INSC: variants seen among roughly 807,000 people sequenced by gnomAD.
INSC encodes protein inscuteable homolog.
In INSC, 67 loss-of-function variants were observed where a neutral mutation model predicts 58.6. The observed-to-expected ratio is 1.14, with a 90% confidence interval of 0.94 to 1.40. The LOEUF (loss-of-function observed/expected upper bound fraction) is 1.40, where lower values mean the gene tolerates loss of function less well. Among genes scored for constraint, INSC ranks in the 40% most tolerant of loss-of-function variants. The pLI, the probability that INSC is intolerant of heterozygous loss-of-function variation, is 0.00. For missense variants in INSC, 714 were observed against 692.0 expected (o/e 1.03, Z -0.36); for synonymous variants, 262 against 276.1 (o/e 0.95, Z 0.51).
chr11:15,116,851 C>T (rs11820606), intron 1 of INSC, among the ~76,000 whole-genome samples: 1,508 of 10,778 alleles, frequency 0.14, 85 homozygotes, highest in Non-Finnish European at 0.15. Flanking sequence ...CTTTCTTTCT[C>T]TCTCTCTCTC....
At chr11:15,139,170 C>T (rs1848313331) in intron 1 of INSC, among the ~76,000 whole-genome samples, 1 of 152,182 alleles carries the variant, frequency 6.6e-6, no homozygotes, top group Non-Finnish European at 1.5e-5. Flanking sequence ...AATAGCTTGC[C>T]CAGTGTGCCC....
At chr11:15,196,756 T>A (rs562150214) in intron 6 of INSC, among the ~76,000 whole-genome samples, 1 of 152,246 alleles carries the variant, frequency 6.6e-6, no homozygotes, top group Admixed American at 6.5e-5. Context: ...AAGGGCTTTA[T>A]ACAAATAACA....
intron 5 of INSC, among the ~76,000 whole-genome samples, chr11:15,179,779 G>A (rs1421370313): frequency 1.3e-5 from 2 of 152,194 alleles, no homozygotes; most frequent in Non-Finnish European, 2.9e-5. Context: ...CAAGTCCAGA[G>A]GGACCCAAGG....
At chr11:15,136,008 C>G (rs1433211286) in intron 1 of INSC, among the ~76,000 whole-genome samples, 1 of 152,072 alleles carries the variant, frequency 6.6e-6, no homozygotes, top group Non-Finnish European at 1.5e-5. Flanking sequence ...TTATGTAAGG[C>G]CTTTTTCTAA....
At chr11:15,154,588 A>C (rs1390778179) in intron 2 of INSC, among the ~76,000 whole-genome samples, 1 of 152,158 alleles carries the variant, frequency 6.6e-6, no homozygotes, top group Non-Finnish European at 1.5e-5. Context: ...CTCATCATCA[A>C]ATCCCCTGCA....
At chr11:15,121,989 A>G (rs1430056504) in intron 1 of INSC, among the ~76,000 whole-genome samples, 1 of 152,186 alleles carries the variant, frequency 6.6e-6, no homozygotes, top group Non-Finnish European at 1.5e-5. Flanking sequence ...CAGCCCTGGA[A>G]TTAGCCATTT....
At chr11:15,241,528 T>A in intron 12 of INSC, 1 of 701,680 alleles carries the variant, frequency 1.4e-6, no homozygotes, top group South Asian at 1.5e-5. Flanking sequence ...ATTCAATAAA[T>A]GTTTATGGAA....
downstream of INSC, among the ~76,000 whole-genome samples, chr11:15,248,952 G>A (rs561339637): frequency 2.0e-5 from 3 of 152,310 alleles, no homozygotes; most frequent in African/African-American, 7.2e-5. Context: ...GAAGGGTCAA[G>A]TGAGATAATA....
At chr11:15,197,826 C>T (rs950719520) in intron 6 of INSC, among the ~76,000 whole-genome samples, 1 of 152,214 alleles carries the variant, frequency 6.6e-6, no homozygotes, top group African/African-American at 2.4e-5. Context: ...CCCACACACC[C>T]CACAAGTGAT....
intron 2 of INSC, among the ~76,000 whole-genome samples, chr11:15,157,681 A>G (rs953763347): frequency 6.6e-6 from 1 of 152,196 alleles, no homozygotes; most frequent in Non-Finnish European, 1.5e-5. Flanking sequence ...CAGCACTAAC[A>G]CAGTCCAAAC....
upstream of INSC, chr11:15,112,508 A>G: frequency 1.2e-6 from 2 of 1,612,416 alleles, no homozygotes; most frequent in Non-Finnish European, 1.7e-6. Context: ...CGGCCAGCGA[A>G]GGTCCAGGTG....
intron 12 of INSC, chr11:15,241,651 C>A (rs1481758354): frequency 1.4e-6 from 1 of 702,846 alleles, no homozygotes; most frequent in Non-Finnish European, 2.6e-6. Context: ...TCAAGGTAAT[C>A]TTAATCTTTT....
At chr11:15,161,263 C>T (rs553514476) in intron 2 of INSC, among the ~76,000 whole-genome samples, 4 of 152,284 alleles carry the variant, frequency 2.6e-5, no homozygotes, top group African/African-American at 7.2e-5. Flanking sequence ...TCCCCCAGGA[C>T]CCCTGGAGTT....
At chr11:15,239,166 G>A in intron 11 of INSC, 92 bp downstream of exon 11, 1 of 1,446,716 alleles carries the variant, frequency 6.9e-7, no homozygotes. Flanking sequence ...GTGGACACAG[G>A]GCAAGAGCTG....
At chr11:15,250,882 C>G (rs866437543), downstream of INSC, among the ~76,000 whole-genome samples, 4 of 152,270 alleles carry the variant, frequency 2.6e-5, no homozygotes, top group Middle Eastern at 3.4e-3. Context: ...AGCAAGGGCT[C>G]CCAAAATCTG....
intron 1 of INSC, among the ~76,000 whole-genome samples, chr11:15,134,686 A>G (rs960983538): frequency 1.3e-5 from 2 of 152,184 alleles, no homozygotes; most frequent in African/African-American, 4.8e-5. Context: ...AGTTCTCACA[A>G]TTAGTCTCAT....
intron 7 of INSC, among the ~76,000 whole-genome samples, chr11:15,203,315 G>A (rs553310491): frequency 1.8e-4 from 27 of 152,114 alleles, no homozygotes; most frequent in Non-Finnish European, 3.7e-4. Flanking sequence ...GCTGGCATAG[G>A]GGATAGTAGC....
At chr11:15,157,523 G>A (rs1177351428) in intron 2 of INSC, among the ~76,000 whole-genome samples, 1 of 152,138 alleles carries the variant, frequency 6.6e-6, no homozygotes, top group African/African-American at 2.4e-5. Context: ...GGGGCAGCAG[G>A]CAGCCCCCAC....
At chr11:15,221,340 A>C (rs757803338) in intron 7 of INSC, 137 bp from the exon 8 acceptor site, 3 of 966,202 alleles carry the variant, frequency 3.1e-6, no homozygotes, top group Non-Finnish European at 4.6e-6. Context: ...CTGGTTCCAC[A>C]TGGGGTCCTG....
Sources: allele counts gnomAD v4.1 joint callset (sites outside exome capture counted in the v4.1 genomes callset), GRCh38; gene constraint gnomAD v4.1.1; transcripts MANE v1.5; gene names NCBI Gene and HGNC (gene_info 2026-07-23, HGNC 2026-07-21).